Variants in SLC4A10 observed in about 807,000 individuals in gnomAD.
SLC4A10 encodes the protein sodium-driven chloride bicarbonate exchanger.
A neutral mutation model predicts 137.7 loss-of-function variants in SLC4A10; 42 were observed. The ratio of observed to expected loss-of-function variants is 0.30; its 90% CI spans 0.24 to 0.39. The LOEUF (loss-of-function observed/expected upper bound fraction) is 0.39. Among genes scored for constraint, SLC4A10 ranks in the 10% least tolerant of loss-of-function variants. SLC4A10 has a pLI of 1.00. For synonymous variants in SLC4A10, 474 were observed against 464.1 expected (o/e 1.02, Z -0.27); for missense variants, 925 against 1,355.0 (o/e 0.68, Z 4.98).
intron 26 of SLC4A10, among the ~76,000 whole-genome samples, chr2:161,982,061 T>G (rs1237408828): frequency 6.6e-6 from 1 of 152,178 alleles, no homozygotes; most frequent in Non-Finnish European, 1.5e-5. Context: ...CATAGAAAAA[T>G]GGAGTTTTAT....
At chr2:161,974,703 G>A (rs927849014) in intron 24 of SLC4A10, among the ~76,000 whole-genome samples, 77 of 152,158 alleles carry the variant, frequency 5.1e-4, no homozygotes, top group African/African-American at 1.7e-3. Flanking sequence ...GGAATTTGCC[G>A]CTAAAAGTGG....
chr2:161,951,937 C>A (rs1001114429), intron 19 of SLC4A10, among the ~76,000 whole-genome samples: 1 of 152,044 alleles, frequency 6.6e-6, no homozygotes, highest in African/African-American at 2.4e-5. Flanking sequence ...ATTTTTCATT[C>A]TCTTTGTAGA....
chr2:161,981,386 G>A (rs1286345387), intron 26 of SLC4A10, among the ~76,000 whole-genome samples: 2 of 152,150 alleles, frequency 1.3e-5, no homozygotes, highest in Non-Finnish European at 2.9e-5. Context: ...TCAGAATTCT[G>A]GAATTCTCAC....
intron 3 of SLC4A10, among the ~76,000 whole-genome samples, chr2:161,831,410 A>C (rs1377541220): frequency 6.6e-6 from 1 of 152,104 alleles, no homozygotes; most frequent in Non-Finnish European, 1.5e-5. Context: ...CAGATGTTTT[A>C]TTGAACTAAC....
At chr2:161,898,415 A>G (rs1018638150) in intron 11 of SLC4A10, among the ~76,000 whole-genome samples, 38 of 152,270 alleles carry the variant, frequency 2.5e-4, no homozygotes, top group African/African-American at 8.2e-4. Context: ...TTTTAAAAAT[A>G]TATGTTGTAA....
chr2:161,834,420 C>T (rs1320322693), intron 3 of SLC4A10, among the ~76,000 whole-genome samples: 2 of 152,140 alleles, frequency 1.3e-5, no homozygotes, highest in African/African-American at 4.8e-5. Flanking sequence ...CGGAATGGAA[C>T]ACACTCTGCA....
chr2:161,787,262 TTA>T (rs1359582170), intron 2 of SLC4A10, among the ~76,000 whole-genome samples: 1 of 152,156 alleles, frequency 6.6e-6, no homozygotes, highest in Non-Finnish European at 1.5e-5. Context: ...TCTTTTTGGC[TTA>T]TATGGTTTCT....
intron 15 of SLC4A10, among the ~76,000 whole-genome samples, chr2:161,939,561 A>C (rs1253313223): frequency 1.3e-5 from 2 of 152,166 alleles, no homozygotes; most frequent in African/African-American, 4.8e-5. Flanking sequence ...CTGTCTTTAC[A>C]TTCCACTTTG....
intron 1 of SLC4A10, among the ~76,000 whole-genome samples, chr2:161,664,535 G>T (rs769575339): frequency 2.0e-4 from 30 of 151,772 alleles, no homozygotes; most frequent in Non-Finnish European, 3.5e-4. Context: ...TCAGCCTATG[G>T]CATCATTGCT....
chr2:161,923,912 G>A (rs1205635197), intron 15 of SLC4A10, among the ~76,000 whole-genome samples: 2 of 152,110 alleles, frequency 1.3e-5, no homozygotes, highest in African/African-American at 4.8e-5. Flanking sequence ...AACATAGAGT[G>A]ATTAAATGGC....
chr2:161,798,118 C>A (rs2054980648), intron 2 of SLC4A10, among the ~76,000 whole-genome samples: 1 of 151,978 alleles, frequency 6.6e-6, no homozygotes, highest in South Asian at 2.1e-4. Flanking sequence ...GTTACTCTCC[C>A]TTAGCAGAAA....
chr2:161,780,323 A>G (rs1164553133), intron 2 of SLC4A10, among the ~76,000 whole-genome samples: 3 of 152,040 alleles, frequency 2.0e-5, no homozygotes, highest in Non-Finnish European at 4.4e-5. Flanking sequence ...TAAATATTAG[A>G]AGGCTTAAAA....
Position 161,942,894 on chromosome 2 carries a change from G to A in SLC4A10, c.2100G>A (p.Val700=). The change falls in exon 16 of 27, where the codon GTG becomes GTA. Residue 700 remains valine, a synonymous_variant. Transcript: ENST00000446997. ...ASDIIWENLT[V]SECKSLHGEY... Reference sequence around the variant, plus strand: ...ACATAATTTGGGAGAACCTAACTGTGTCAGTAAGTAAAACACTGAAAAATA... The same window carrying A: ...ACATAATTTGGGAGAACCTAACTGTATCAGTAAGTAAAACACTGAAAAATA... 6.3e-7 allele frequency: 1 copy of A among 1,585,448 alleles called. No individual in the cohort carries two copies. Among genetic ancestry groups the A allele is most frequent in the Non-Finnish European group, 8.6e-7 (1 of 1,164,398 alleles).
intron 2 of SLC4A10, among the ~76,000 whole-genome samples, chr2:161,793,210 T>C (rs1157849809): frequency 6.6e-6 from 1 of 152,200 alleles, no homozygotes; most frequent in African/African-American, 2.4e-5. Context: ...ACATGATGCT[T>C]TGAAATATAT....
chr2:161,920,496 A>T lies in SLC4A10; in HGVS notation c.1997+14609A>T, dbSNP rs1309777124. Among the ~76,000 whole-genome samples, 3 of 152,222 alleles carry T rather than the reference A, an allele frequency of 2.0e-5. No homozygotes were observed. The East Asian group carries it at 5.8e-4, about 29-fold the overall frequency. Reference sequence around the variant, plus strand: ...TTATAGTACTTAAAGGACAAAATAAAGGGTTGCAAAAGAGTTCACCTTGTT... The same window carrying T: ...TTATAGTACTTAAAGGACAAAATAATGGGTTGCAAAAGAGTTCACCTTGTT... On this transcript the variant is annotated intron_variant, in intron 15 of 26. Coordinates refer to ENST00000446997, the MANE Select transcript of SLC4A10 (RefSeq NM_001178015.2).
rs376559338 is a variant in SLC4A10, at chr2:161,903,070, G to A, written c.1443-934G>A. ...TACAGTAGCCAAATGTTAAGTCTGC[G>A]TATTGTTATTAAATGTTCATAAAAT... On this transcript the variant is annotated intron_variant, in intron 12 of 26. Transcript: ENST00000446997. Among the ~76,000 whole-genome samples, 23 of 152,038 alleles carry A rather than the reference G, an allele frequency of 1.5e-4. No homozygotes were observed. In the South Asian group the frequency reaches 3.9e-3, roughly 26 times the overall value.
intron 1 of SLC4A10, among the ~76,000 whole-genome samples, chr2:161,665,938 A>T (rs560541073): frequency 5.2e-4 from 76 of 147,462 alleles, no homozygotes; most frequent in African/African-American, 1.8e-3. Flanking sequence ...AGACTACATT[A>T]TATATATATA....
At chr2:161,651,854 C>T (rs567909192) in intron 1 of SLC4A10, among the ~76,000 whole-genome samples, 43 of 152,236 alleles carry the variant, frequency 2.8e-4, no homozygotes, top group African/African-American at 8.4e-4. Flanking sequence ...AGGCTGGTTG[C>T]GCAAGCCGAG....
intron 1 of SLC4A10, among the ~76,000 whole-genome samples, chr2:161,679,526 G>A (rs2040616039): frequency 6.6e-6 from 1 of 152,086 alleles, no homozygotes; most frequent in African/African-American, 2.4e-5. Context: ...ACTGTAAGTA[G>A]TGTAGGAAGA....
Sources: allele counts gnomAD v4.1 joint callset (sites outside exome capture counted in the v4.1 genomes callset), GRCh38; gene constraint gnomAD v4.1.1; transcripts MANE v1.5; gene names NCBI Gene and HGNC (gene_info 2026-07-23, HGNC 2026-07-21).